Variants in RGPD2 observed in about 807,000 individuals in gnomAD.
RGPD2 encodes RANBP2-like and GRIP domain-containing protein 2.
In RGPD2, 2 loss-of-function variants were observed where a neutral mutation model predicts 36.0. That is an observed-to-expected ratio of 0.06 (90% CI 0.02 to 0.17). The LOEUF is 0.17. RGPD2 is among the 10% of genes least tolerant of loss of function. RGPD2 has a pLI of 1.00. For missense variants in RGPD2, 40 were observed against 464.3 expected, an observed-to-expected ratio of 0.09 and a Z score of 8.40; for synonymous variants, 19 against 163.8, an observed-to-expected ratio of 0.12 and a Z score of 6.75.
chr2:87,939,926 A>G, the RGPD2 span, among the ~76,000 whole-genome samples: 1 of 152,104 alleles, frequency 6.6e-6, no homozygotes, highest in Non-Finnish European at 1.5e-5. Flanking sequence ...CCACCTACTT[A>G]ACTTCTCCCT....
the RGPD2 span, among the ~76,000 whole-genome samples, chr2:87,848,861 T>C: frequency 1.3e-5 from 1 of 74,496 alleles, no homozygotes; most frequent in African/African-American, 4.5e-5. Flanking sequence ...GAGGGTGTGG[T>C]GTGTGTGTGT....
chr2:87,979,049 C>T, the RGPD2 span, among the ~76,000 whole-genome samples: 6 of 148,480 alleles, frequency 4.0e-5, no homozygotes, highest in Non-Finnish European at 7.5e-5. Flanking sequence ...GGCTGGCCAA[C>T]ATGGCAAAAT....
the RGPD2 span, among the ~76,000 whole-genome samples, chr2:87,937,148 A>T: frequency 1.3e-5 from 2 of 152,002 alleles, no homozygotes; most frequent in Admixed American, 6.6e-5. Flanking sequence ...TCATTAGGCA[A>T]AAATACAATA....
the RGPD2 span, among the ~76,000 whole-genome samples, chr2:87,947,461 T>C: frequency 2.0e-5 from 3 of 152,304 alleles, no homozygotes; most frequent in Admixed American, 6.5e-5. Context: ...CTTCCTTCGG[T>C]CCTGGATGGA....
upstream of RGPD2, chr2:87,825,846 T>C: frequency 7.7e-7 from 1 of 1,298,658 alleles, no homozygotes; most frequent in Non-Finnish European, 1.0e-6. Context: ...AGGACCACTG[T>C]GACGCACTTG....
chr2:87,812,963 G>C (rs1558733810), intron 4 of RGPD2, among the ~76,000 whole-genome samples: 1 of 150,238 alleles, frequency 6.7e-6, no homozygotes, highest in Non-Finnish European at 1.5e-5. Context: ...CACTGACACA[G>C]GTCTTCAAAA....
upstream of RGPD2, among the ~76,000 whole-genome samples, chr2:87,827,981 G>GA (rs1686874276): frequency 6.8e-6 from 1 of 146,638 alleles, no homozygotes; most frequent in Admixed American, 6.9e-5. Flanking sequence ...TCAATTATCT[G>GA]AAAAAATAAT....
At chr2:87,845,659 T>A in the RGPD2 span, among the ~76,000 whole-genome samples, 1 of 151,306 alleles carries the variant, frequency 6.6e-6, no homozygotes, top group Non-Finnish European at 1.5e-5. Context: ...AATATAAATC[T>A]TAGTTATTTT....
chr2:87,825,911 G>C (rs1260041585), upstream of RGPD2: 3 of 758,444 alleles, frequency 4.0e-6, no homozygotes, highest in Non-Finnish European at 5.9e-6. Context: ...AGCTGCACTC[G>C]GCCGGGCTCT....
chr2:87,985,976 A>G, the RGPD2 span: 1 of 1,233,618 alleles, frequency 8.1e-7, no homozygotes, highest in East Asian at 2.5e-5. Context: ...TTCCCCTTTC[A>G]ATAACCAAGT....
chr2:87,854,893 C>T, the RGPD2 span, among the ~76,000 whole-genome samples: 43 of 152,170 alleles, frequency 2.8e-4, no homozygotes, highest in African/African-American at 6.3e-4. Flanking sequence ...AAAAATTGTA[C>T]GTATTCAAGT....
the RGPD2 span, among the ~76,000 whole-genome samples, chr2:87,984,755 C>A: frequency 2.0e-5 from 3 of 149,340 alleles, no homozygotes; most frequent in Admixed American, 2.0e-4. Flanking sequence ...ATGGTGAAAC[C>A]CCATCTCTAC....
chr2:87,769,594 T>C (rs904929948), intron 22 of RGPD2, among the ~76,000 whole-genome samples: 5 of 151,742 alleles, frequency 3.3e-5, no homozygotes, highest in African/African-American at 1.2e-4. Flanking sequence ...ACCTGGACGT[T>C]AGCAACGTCT....
At chr2:87,947,386 C>A in the RGPD2 span, among the ~76,000 whole-genome samples, 12 of 152,302 alleles carry the variant, frequency 7.9e-5, no homozygotes, top group African/African-American at 2.7e-4. Flanking sequence ...GAGGGGCCAG[C>A]TGGACTTCCT....
At chr2:87,909,103 A>T in the RGPD2 span, among the ~76,000 whole-genome samples, 1 of 150,602 alleles carries the variant, frequency 6.6e-6, no homozygotes, top group Non-Finnish European at 1.5e-5. Flanking sequence ...ATGGGGTATG[A>T]TTTGGAGTTC....
the RGPD2 span, among the ~76,000 whole-genome samples, chr2:87,848,800 A>T: frequency 2.0e-5 from 3 of 149,516 alleles, no homozygotes; most frequent in African/African-American, 7.3e-5. Flanking sequence ...CTACAAAATG[A>T]CATCCTGGCC....
the RGPD2 span, among the ~76,000 whole-genome samples, chr2:87,956,180 A>AC: frequency 1.5e-5 from 2 of 133,720 alleles, no homozygotes; most frequent in Non-Finnish European, 3.1e-5. Context: ...ATTGCAGAAC[A>AC]CCCATTAATT....
At chr2:87,877,835 A>G in the RGPD2 span, among the ~76,000 whole-genome samples, 4 of 142,700 alleles carry the variant, frequency 2.8e-5, no homozygotes, top group African/African-American at 7.8e-5. Context: ...AAAAAAAAAA[A>G]GAATATTGAC....
intron 22 of RGPD2, among the ~76,000 whole-genome samples, chr2:87,762,032 T>C (rs1233199711): frequency 6.6e-6 from 1 of 151,768 alleles, no homozygotes; most frequent in Non-Finnish European, 1.5e-5. Flanking sequence ...CTGGCTTTCA[T>C]GCAGAGTTTA....
Sources: allele counts gnomAD v4.1 joint callset (sites outside exome capture counted in the v4.1 genomes callset), GRCh38; gene constraint gnomAD v4.1.1; transcripts MANE v1.5; gene names NCBI Gene and HGNC (gene_info 2026-07-23, HGNC 2026-07-21).